LRRTM4: variants seen among roughly 807,000 people sequenced by gnomAD.
LRRTM4 encodes leucine-rich repeat transmembrane neuronal protein 4.
A neutral mutation model predicts 47.6 loss-of-function variants in LRRTM4; 25 were observed. The ratio of observed to expected loss-of-function variants is 0.53; its 90% confidence interval spans 0.38 to 0.73. The LOEUF (loss-of-function observed/expected upper bound fraction) is 0.73, where lower values mean the gene tolerates loss of function less well. LRRTM4 is among the 30% of genes least tolerant of loss of function. The pLI is 0.00. For missense variants in LRRTM4, 638 were observed against 713.4 expected (o/e 0.89, Z 1.20); for synonymous variants, 311 against 269.5 (o/e 1.15, Z -1.51).
intron 3 of LRRTM4, among the ~76,000 whole-genome samples, chr2:76,887,649 GTA>G (rs1295311113): frequency 2.3e-5 from 3 of 128,630 alleles, no homozygotes; most frequent in Non-Finnish European, 5.0e-5. Flanking sequence ...TATACAGTGT[GTA>G]TATATGTTTG....
At chr2:77,208,871 C>T (rs1180517943) in intron 3 of LRRTM4, among the ~76,000 whole-genome samples, 1 of 151,962 alleles carries the variant, frequency 6.6e-6, no homozygotes, top group Non-Finnish European at 1.5e-5. Flanking sequence ...GTGAATTAAC[C>T]CAGTTGGCTA....
At chr2:77,321,044 A>G (rs1329625612) in intron 3 of LRRTM4, among the ~76,000 whole-genome samples, 2 of 152,156 alleles carry the variant, frequency 1.3e-5, no homozygotes, top group Non-Finnish European at 1.5e-5. Context: ...GCAAAATATT[A>G]TCCTTATTTC....
intron 3 of LRRTM4, among the ~76,000 whole-genome samples, chr2:77,177,476 C>T (rs1558620159): frequency 6.6e-6 from 1 of 152,186 alleles, no homozygotes; most frequent in Admixed American, 6.5e-5. Context: ...CATGCTCCAT[C>T]CTGAGGTGTC....
intron 3 of LRRTM4, among the ~76,000 whole-genome samples, chr2:76,770,845 C>T (rs1469787502): frequency 5.9e-5 from 9 of 152,110 alleles, no homozygotes; most frequent in Non-Finnish European, 1.2e-4. Context: ...TTCTCGATCC[C>T]TTGGAGAGCT....
chr2:77,068,846 G>A (rs1370031210), intron 3 of LRRTM4, among the ~76,000 whole-genome samples: 2 of 152,322 alleles, frequency 1.3e-5, no homozygotes, highest in Middle Eastern at 3.4e-3. Context: ...ACGCTGGAAG[G>A]TTGTGGGTTT....
intron 3 of LRRTM4, among the ~76,000 whole-genome samples, chr2:77,245,830 A>G (rs1189226575): frequency 6.6e-6 from 1 of 152,172 alleles, no homozygotes; most frequent in Non-Finnish European, 1.5e-5. Flanking sequence ...TAGAGATGCA[A>G]TTTTAGATGG....
At position 77,344,993 on chromosome 2, in the gene LRRTM4, TATAA is replaced by T. The variant is rs552751561; in HGVS notation, c.1551+173321_1551+173324del. Reference sequence around the variant, plus strand: ...ATATAAATAGATAGGGAAATAATTATATAAATAGTTATTGATAATATAATAATCA... The same window carrying T: ...ATATAAATAGATAGGGAAATAATTATATAGTTATTGATAATATAATAATCA... On this transcript the variant is annotated intron_variant, in intron 3 of 3. Transcript: ENST00000409884. Among the ~76,000 whole-genome samples the T allele has an allele frequency of 2.5e-3, 377 of 151,568 alleles. 3 individuals carry two copies. The highest frequency in any genetic ancestry group is 8.6e-3 in the African/African-American group (356 of 41,448).
intron 3 of LRRTM4, among the ~76,000 whole-genome samples, chr2:76,836,937 C>A (rs1420749436): frequency 6.6e-6 from 1 of 152,066 alleles, no homozygotes; most frequent in African/African-American, 2.4e-5. Context: ...TTAGTTACTA[C>A]AGTTAATCAA....
At chr2:76,980,859 A>T (rs1216292524) in intron 3 of LRRTM4, among the ~76,000 whole-genome samples, 1 of 152,076 alleles carries the variant, frequency 6.6e-6, no homozygotes, top group African/African-American at 2.4e-5. Context: ...TCTCTGTTAC[A>T]TTATATTTTA....
chr2:77,051,654 A>G (rs573890524), intron 3 of LRRTM4, among the ~76,000 whole-genome samples: 1 of 152,218 alleles, frequency 6.6e-6, no homozygotes, highest in African/African-American at 2.4e-5. Context: ...TTTCTCTGGG[A>G]TAGATAGTAC....
intron 3 of LRRTM4, among the ~76,000 whole-genome samples, chr2:76,890,494 G>A (rs555569301): frequency 6.6e-6 from 1 of 152,036 alleles, no homozygotes; most frequent in East Asian, 1.9e-4. Flanking sequence ...TTCTAAGACT[G>A]TTTAATGTTC....
At chr2:76,961,032 TA>T (rs1365932772) in intron 3 of LRRTM4, among the ~76,000 whole-genome samples, 4 of 151,584 alleles carry the variant, frequency 2.6e-5, no homozygotes, top group African/African-American at 9.7e-5. Context: ...TGTAAAGTTT[TA>T]TTTTTAATTT....
intron 3 of LRRTM4, among the ~76,000 whole-genome samples, chr2:77,239,254 C>T (rs538425711): frequency 5.9e-5 from 9 of 151,754 alleles, no homozygotes; most frequent in Admixed American, 4.6e-4. Context: ...CTACATGGAG[C>T]TTAATATTAT....
chr2:76,787,715 G>T (rs1674753299), intron 3 of LRRTM4, among the ~76,000 whole-genome samples: 1 of 152,000 alleles, frequency 6.6e-6, no homozygotes, highest in Admixed American at 6.6e-5. Flanking sequence ...TTATCCCATG[G>T]GACTTGTTTT....
At chr2:77,405,093 T>C (rs190489532) in intron 3 of LRRTM4, among the ~76,000 whole-genome samples, 7 of 152,262 alleles carry the variant, frequency 4.6e-5, no homozygotes, top group Admixed American at 3.9e-4. Context: ...AAGCCATGAT[T>C]TAAATTACTC....
At chr2:77,298,431 TG>T (rs1320900563) in intron 3 of LRRTM4, among the ~76,000 whole-genome samples, 2 of 151,980 alleles carry the variant, frequency 1.3e-5, no homozygotes, top group African/African-American at 2.4e-5. Flanking sequence ...GGAGACGGGG[TG>T]TTCACCGTGT....
At chr2:77,134,852 C>T (rs1216538449) in intron 3 of LRRTM4, among the ~76,000 whole-genome samples, 1 of 152,056 alleles carries the variant, frequency 6.6e-6, no homozygotes, top group East Asian at 1.9e-4. Flanking sequence ...ATAAATAAAT[C>T]TTTTATTTGC....
chr2:77,463,698 C>G (rs1279308768), intron 3 of LRRTM4, among the ~76,000 whole-genome samples: 1 of 152,004 alleles, frequency 6.6e-6, no homozygotes, highest in African/African-American at 2.4e-5. Context: ...CCTAGTTCAA[C>G]CCCCTTTTTA....
chr2:77,061,992 T>C (rs1679802323), intron 3 of LRRTM4, among the ~76,000 whole-genome samples: 1 of 152,154 alleles, frequency 6.6e-6, no homozygotes, highest in Admixed American at 6.6e-5. Flanking sequence ...AGTGACCTTA[T>C]AAAGTACAGT....
Sources: gnomAD v4.1 joint callset for allele counts (sites outside exome capture counted in the v4.1 genomes callset) on GRCh38, gnomAD v4.1.1 for gene constraint, MANE v1.5 for transcripts, NCBI Gene and HGNC (gene_info 2026-07-23, HGNC 2026-07-21) for gene names.